The following ITGB8 variants were observed in gnomAD, a reference collection of about 807,000 sequenced individuals.
ITGB8 encodes integrin beta-8.
A neutral mutation model predicts 89.5 loss-of-function variants in ITGB8; 30 were observed. The ratio of observed to expected loss-of-function variants is 0.34; its 90% CI spans 0.25 to 0.45. The LOEUF (loss-of-function observed/expected upper bound fraction) is 0.45. ITGB8 is among the 20% of genes least tolerant of loss of function. ITGB8 has a pLI of 1.00. For missense variants in ITGB8, 836 were observed against 933.3 expected (o/e 0.90, Z 1.36); for synonymous variants, 335 against 320.4 (o/e 1.05, Z -0.49).
chr7:20,373,860 A>G (rs1223264611), intron 3 of ITGB8, among the ~76,000 whole-genome samples: 1 of 152,172 alleles, frequency 6.6e-6, no homozygotes, highest in Non-Finnish European at 1.5e-5. Flanking sequence ...GTGTGCAGTC[A>G]TGTTCGTTGT....
intron 1 of ITGB8, among the ~76,000 whole-genome samples, chr7:20,336,924 T>A (rs1784596439): frequency 6.6e-6 from 1 of 152,252 alleles, no homozygotes; most frequent in South Asian, 2.1e-4. Flanking sequence ...CCTAATCATT[T>A]CTAAGCCTCA....
rs959857016 is a variant in ITGB8, at chr7:20,412,757, C to G, written c.*2760C>G. Reference sequence around the variant, plus strand: ...ATTTTACTTGAATAATTGATATCTTCCTGTGTAATGATTTGTGAGATGAGA... The same window carrying G: ...ATTTTACTTGAATAATTGATATCTTGCTGTGTAATGATTTGTGAGATGAGA... On this transcript the variant is annotated 3_prime_UTR_variant, in exon 14 of 14. Coordinates refer to ENST00000222573, the MANE Select transcript of ITGB8 (RefSeq NM_002214.3). The G allele has an allele frequency of 6.6e-6, 1 of 152,372 alleles. No homozygotes were observed. The highest frequency in any genetic ancestry group is 6.6e-5 in the Admixed American group (1 of 15,256). 9.4% of individuals were successfully genotyped at this position (152,372 alleles called of 1,614,324 possible). A position where few individuals can be genotyped will look rare whatever the true frequency, so the allele number is the denominator to read the frequency against.
intron 4 of ITGB8, chr7:20,380,024 T>G (rs1369976786): frequency 6.6e-6 from 1 of 152,222 alleles, no homozygotes; most frequent in Non-Finnish European, 1.5e-5. Context: ...ACAAATTGCT[T>G]AGATTACTTT....
intron 1 of ITGB8, among the ~76,000 whole-genome samples, chr7:20,351,869 C>T (rs1221252396): frequency 1.8e-5 from 2 of 109,706 alleles, no homozygotes; most frequent in Non-Finnish European, 3.6e-5. Context: ...GAAGTTTGGA[C>T]ATGAATAACA....
rs975610133 is a variant in ITGB8 at position 20,364,478 on chromosome 7, T to C, written c.213+756T>C. On this transcript the variant is annotated intron_variant, in intron 2 of 13. Transcript: ENST00000222573. ...ACTTCTTGGAGAAAAAAGAAAGTTATAAGGTAGCAACAGATGGTGGATATC... is the reference window on the plus strand; with the variant it reads ...ACTTCTTGGAGAAAAAAGAAAGTTACAAGGTAGCAACAGATGGTGGATATC... Among the ~76,000 whole-genome samples the C allele has an allele frequency of 2.0e-5, 3 of 152,162 alleles. No individual in the cohort carries two copies. In the East Asian group the frequency reaches 5.8e-4, roughly 29 times the overall value.
chr7:20,383,798 C>G (rs1017796729), intron 6 of ITGB8, among the ~76,000 whole-genome samples: 10 of 152,112 alleles, frequency 6.6e-5, no homozygotes, highest in African/African-American at 2.2e-4. Flanking sequence ...ATGATTACAT[C>G]AAGACCTTTT....
intron 1 of ITGB8, among the ~76,000 whole-genome samples, chr7:20,332,556 G>GA (rs1162381206): frequency 1.3e-5 from 2 of 152,152 alleles, no homozygotes; most frequent in African/African-American, 4.8e-5. Context: ...CAGAGAAGCA[G>GA]AAAGAACTCT....
Position 20,381,896 on chromosome 7 carries a change from A to G in ITGB8, c.960+11A>G. ...AAATCGACAACCATGGTAATGCAGCAGTAACCGCTTAGTAGATATGACTCT... is the reference window on the plus strand; with the variant it reads ...AAATCGACAACCATGGTAATGCAGCGGTAACCGCTTAGTAGATATGACTCT... On this transcript the variant is annotated intron_variant, in intron 6 of 13. Transcript: ENST00000222573. The G allele has an allele frequency of 6.2e-7, 1 of 1,607,712 alleles. No individual in the cohort carries two copies. The highest frequency in any genetic ancestry group is 1.1e-5 in the South Asian group (1 of 89,912).
chr7:20,335,202 G>A (rs1374530487), intron 1 of ITGB8, among the ~76,000 whole-genome samples: 1 of 152,090 alleles, frequency 6.6e-6, no homozygotes, highest in African/African-American at 2.4e-5. Context: ...TAATCTTAAA[G>A]CATGAATTTT....
intron 12 of ITGB8, among the ~76,000 whole-genome samples, chr7:20,406,722 AT>A (rs1253562989): frequency 2.0e-5 from 3 of 152,156 alleles, no homozygotes; most frequent in African/African-American, 7.2e-5. Context: ...TATAATCTCC[AT>A]GTTATAGATG....
In ITGB8 at chr7:20,379,215, C is replaced by T. The variant is rs267601448; in HGVS notation, c.553C>T (p.Arg185Cys). The change falls in exon 4 of 14, where the codon CGT becomes TGT. Residue 185 changes from arginine to cysteine, a missense_variant. This residue lies in a region of ITGB8 where 38 missense variants were observed against 52.2 expected (regional missense o/e 0.73). Transcript: ENST00000222573. The part of the protein sequence containing the change: ...RKMAFFSRDF[R>C]LGFGSYVDKT... ...AATGGCATTTTTCTCCCGTGACTTT[C>T]GTCTTGGATTTGGCTCATACGTTGA... 9.3e-6 allele frequency: 15 copies of T among 1,611,576 alleles called. No individual in the cohort carries two copies. Among genetic ancestry groups the T allele is most frequent in the African/African-American group, 2.7e-5 (2 of 74,802 alleles).
chr7:20,388,156 T>A (rs1786705245), intron 6 of ITGB8, among the ~76,000 whole-genome samples: 2 of 152,236 alleles, frequency 1.3e-5, no homozygotes, highest in African/African-American at 4.8e-5. Flanking sequence ...TTCTTACCTC[T>A]TCTTTCCTTC....
At position 20,379,167 on chromosome 7, in the gene ITGB8, G is replaced by A. The variant is rs768194871; in HGVS notation, c.505G>A (p.Val169Ile). 89 of 1,611,154 alleles carry A rather than the reference G, an allele frequency of 5.5e-5. No individual in the cohort carries two copies. The highest frequency in any genetic ancestry group is 1.8e-4 in the East Asian group (8 of 44,674). The change falls in exon 4 of 14, where the codon GTT becomes ATT. Residue 169 changes from valine (V) to isoleucine (I), a missense_variant. Around this residue, in one of 5 missense-constraint regions of ITGB8, gnomAD observed 38 missense variants for 52.2 expected, o/e 0.73. Transcript: ENST00000222573. ...CAATAATATAGAAAAATTAAATTCCGTTGGAAACGATTTATCTAGAAAAAT... is the reference window on the plus strand; with the variant it reads ...CAATAATATAGAAAAATTAAATTCCATTGGAAACGATTTATCTAGAAAAAT... Reference protein sequence around the residue: ...MHNNIEKLNSVGNDLSRKMAF... With the variant: ...MHNNIEKLNSIGNDLSRKMAF...
intron 3 of ITGB8, among the ~76,000 whole-genome samples, chr7:20,376,980 CTCT>C (rs1353694791): frequency 7.2e-5 from 11 of 152,296 alleles, no homozygotes; most frequent in Admixed American, 7.2e-4. Context: ...CTCACAGCCT[CTCT>C]TCTTTGCTGA....
chr7:20,406,549 TA>T (rs35654498), intron 12 of ITGB8, among the ~76,000 whole-genome samples: 101,043 of 148,298 alleles, frequency 0.68, 35,163 homozygotes, highest in East Asian at 0.98. Context: ...GAACCCCATT[TA>T]AAAAAAAAAA....
intron 2 of ITGB8, chr7:20,365,771 T>C (rs902769189): frequency 5.3e-5 from 8 of 152,148 alleles, no homozygotes; most frequent in South Asian, 2.1e-4. Flanking sequence ...CCTGACGTCA[T>C]TGAGAGGAAG....
At chr7:20,351,689 C>T (rs549574259) in intron 1 of ITGB8, among the ~76,000 whole-genome samples, 7 of 152,136 alleles carry the variant, frequency 4.6e-5, no homozygotes, top group East Asian at 3.9e-4. Context: ...TTTAATTTAC[C>T]GGTGTTTGTT....
chr7:20,392,216 T>C (rs1032745066), intron 7 of ITGB8, among the ~76,000 whole-genome samples: 3 of 152,212 alleles, frequency 2.0e-5, no homozygotes, highest in African/African-American at 7.2e-5. Context: ...CATGAAGCTA[T>C]GACACCCTAA....
At chr7:20,382,529 A>C (rs549709901) in intron 6 of ITGB8, among the ~76,000 whole-genome samples, 1 of 152,310 alleles carries the variant, frequency 6.6e-6, no homozygotes, top group African/African-American at 2.4e-5. Flanking sequence ...AACAGTCCAA[A>C]GCATCATTTA....
Sources: gnomAD v4.1 joint callset for allele counts (sites outside exome capture counted in the v4.1 genomes callset) on GRCh38, gnomAD v4.1.1 for gene constraint, gnomAD v4.1.1 regional missense constraint, MANE v1.5 for transcripts, NCBI Gene and HGNC (gene_info 2026-07-23, HGNC 2026-07-21) for gene names.